AP1S3: variants seen among roughly 807,000 people sequenced by gnomAD.
AP1S3 encodes AP-1 complex subunit sigma-3.
Under a neutral mutation model 20.9 loss-of-function variants are expected in AP1S3, and 10 were observed. That is an observed-to-expected ratio of 0.48 (90% CI 0.29 to 0.81). AP1S3 has a LOEUF of 0.81. AP1S3 is among the 30% of genes least tolerant of loss of function. The pLI is 0.08. For synonymous variants in AP1S3, 41 were observed against 61.5 expected (o/e 0.67, Z 1.56); for missense variants, 154 against 183.8 (o/e 0.84, Z 0.94).
chr2:223,834,135 T>C (rs1692343257), intron 1 of AP1S3, among the ~76,000 whole-genome samples: 1 of 152,166 alleles, frequency 6.6e-6, no homozygotes, highest in African/African-American at 2.4e-5. Context: ...CTCAAATTCC[T>C]GACTTCAGGT....
rs114611599 is a variant in AP1S3 at position 223,777,001 on chromosome 2, T to C, written c.182+690A>G. 8.5e-3 allele frequency among the ~76,000 whole-genome samples: 1,292 copies of C among 152,346 alleles called. 23 individuals are homozygous for C. Among genetic ancestry groups the C allele is most frequent in the African/African-American group, 0.029 (1,223 of 41,582 alleles). On this transcript the variant is annotated intron_variant, in intron 2 of 4. Transcript: ENST00000396654. ...CCAGTTTTTCCAAAGCACTTGTTAC[T>C]AAGTGAAAATATTGTATTTGGTTAC...
At chr2:223,831,287 C>A (rs114767397) in intron 1 of AP1S3, among the ~76,000 whole-genome samples, 1 of 152,154 alleles carries the variant, frequency 6.6e-6, no homozygotes, top group Admixed American at 6.5e-5. Context: ...TGCACTACCA[C>A]GCCCAGCTAA....
chr2:223,820,577 T>C (rs1691963470), intron 1 of AP1S3, among the ~76,000 whole-genome samples: 1 of 150,932 alleles, frequency 6.6e-6, no homozygotes, highest in Admixed American at 6.6e-5. Context: ...AAGGAGAATT[T>C]AAGTTTCAAT....
chr2:223,808,298 T>C (rs12467861), intron 1 of AP1S3, among the ~76,000 whole-genome samples: 53,301 of 151,928 alleles, frequency 0.35, 9,754 homozygotes, highest in Middle Eastern at 0.42. Flanking sequence ...CAACATTAAC[T>C]CGGCAGGCCC....
chr2:223,781,405 T>C (rs1425498541), intron 1 of AP1S3, among the ~76,000 whole-genome samples: 2 of 152,078 alleles, frequency 1.3e-5, no homozygotes, highest in Non-Finnish European at 2.9e-5. Context: ...CATTTTTTTT[T>C]TTAGTATCTG....
chr2:223,756,660 GCTAAT>G lies in AP1S3; in HGVS notation c.*2050_*2054del. On this transcript the variant is annotated 3_prime_UTR_variant, in exon 5 of 5. Transcript: ENST00000396654. The stretch of plus-strand genomic sequence containing the variant: ...TAAAAGCCTAATGATTATTTTATAT[GCTAAT>G]CTGAGTTATTTCCTTTGAACAATGG... The G allele has an allele frequency of 1.0e-6, 1 of 985,228 alleles. No individual in the cohort carries two copies. Among genetic ancestry groups the G allele is most frequent in the Non-Finnish European group, 1.2e-6 (1 of 829,782 alleles). 61.0% of individuals were successfully genotyped at this position (985,228 alleles called of 1,614,324 possible).
intron 1 of AP1S3, among the ~76,000 whole-genome samples, chr2:223,823,296 T>C (rs1479187184): frequency 6.6e-6 from 1 of 152,224 alleles, no homozygotes; most frequent in Non-Finnish European, 1.5e-5. Flanking sequence ...AATCCCAGGT[T>C]CATTGCCTCA....
chr2:223,778,619 T>C (rs1051074535), intron 1 of AP1S3, among the ~76,000 whole-genome samples: 2 of 151,314 alleles, frequency 1.3e-5, no homozygotes, highest in Non-Finnish European at 1.5e-5. Flanking sequence ...AATGATAATA[T>C]AGAAATAAAG....
intron 1 of AP1S3, among the ~76,000 whole-genome samples, chr2:223,778,157 G>T (rs769274209): frequency 6.7e-6 from 1 of 150,150 alleles, no homozygotes; most frequent in Non-Finnish European, 1.5e-5. Context: ...AAGGAGTGTC[G>T]CTCTGCTGCC....
In AP1S3 at chr2:223,837,460, G is replaced by T; in HGVS notation, c.-10C>A. ...CCCCCGCACTCACCATCGTGGCTGG[G>T]CCGCCGCCTCCCCCGCCTTGCGAGC... On this transcript the variant is annotated 5_prime_UTR_variant, in exon 1 of 5. Transcript: ENST00000396654. 1 of 1,283,120 alleles carries T rather than the reference G, an allele frequency of 7.8e-7. No individual in the cohort carries two copies. The highest frequency in any genetic ancestry group is 9.9e-7 in the Non-Finnish European group (1 of 1,013,030). 79.5% of individuals were successfully genotyped at this position (1,283,120 alleles called of 1,614,324 possible).
At chr2:223,829,819 AGAGT>A (rs1163009884) in intron 1 of AP1S3, among the ~76,000 whole-genome samples, 1 of 151,202 alleles carries the variant, frequency 6.6e-6, no homozygotes, top group Middle Eastern at 3.4e-3. Context: ...CCTGGGCAAC[AGAGT>A]GAGACTCCAT....
intron 4 of AP1S3, 96 bp downstream of exon 4, chr2:223,765,117 G>T (rs942450290): frequency 1.8e-5 from 28 of 1,525,770 alleles, no homozygotes; most frequent in Non-Finnish European, 2.0e-5. Flanking sequence ...CCAGCACAGA[G>T]TAAGTACTCA....
intron 1 of AP1S3, among the ~76,000 whole-genome samples, chr2:223,830,341 T>C (rs1033604182): frequency 6.6e-6 from 1 of 151,644 alleles, no homozygotes; most frequent in Non-Finnish European, 1.5e-5. Context: ...TAGCCGGGCG[T>C]GTTGGCATGC....
At chr2:223,761,769 G>A (rs1292695951) in intron 4 of AP1S3, among the ~76,000 whole-genome samples, 1 of 151,984 alleles carries the variant, frequency 6.6e-6, no homozygotes, top group Non-Finnish European at 1.5e-5. Context: ...TCACTATGTT[G>A]CCTAGGCTGA....
chr2:223,760,537 G>T (rs1690329709), intron 4 of AP1S3, among the ~76,000 whole-genome samples: 1 of 152,178 alleles, frequency 6.6e-6, no homozygotes, highest in African/African-American at 2.4e-5. Context: ...GTGGGCATTG[G>T]CCAAGACAGC....
Position 223,758,545 on chromosome 2 carries a change from CA to C in AP1S3, c.*169del, listed in dbSNP as rs201215185. On this transcript the variant is annotated 3_prime_UTR_variant, in exon 5 of 5. Transcript: ENST00000396654. ...ATAATTTTTTTTAATAATACAGACA[CA>C]TAGTAATTATAAATATGTTAAACAA... The C allele has an allele frequency of 3.8e-5, 51 of 1,334,818 alleles. No homozygotes were observed. The East Asian group carries it at 1.3e-3, about 33-fold the overall frequency. 82.7% of individuals were successfully genotyped at this position (1,334,818 alleles called of 1,614,324 possible).
At chr2:223,784,683 G>C (rs948239908) in intron 1 of AP1S3, among the ~76,000 whole-genome samples, 1 of 152,048 alleles carries the variant, frequency 6.6e-6, no homozygotes, top group South Asian at 2.1e-4. Flanking sequence ...CCATATCTTT[G>C]GTTTCAGTAA....
At chr2:223,816,486 C>T (rs1192599957) in intron 1 of AP1S3, among the ~76,000 whole-genome samples, 1 of 152,196 alleles carries the variant, frequency 6.6e-6, no homozygotes, top group Non-Finnish European at 1.5e-5. Flanking sequence ...CAAACCTTAA[C>T]AATCACGAGA....
chr2:223,797,143 G>T (rs1307850444), intron 1 of AP1S3, among the ~76,000 whole-genome samples: 1 of 152,150 alleles, frequency 6.6e-6, no homozygotes, highest in Non-Finnish European at 1.5e-5. Context: ...CGGAAGGCAG[G>T]TGTGGCCTGA....
Sources: allele counts gnomAD v4.1 joint callset (sites outside exome capture counted in the v4.1 genomes callset), GRCh38; gene constraint gnomAD v4.1.1; transcripts MANE v1.5; gene names NCBI Gene and HGNC (gene_info 2026-07-23, HGNC 2026-07-21).